The following CXXC5 variants were observed in gnomAD, a reference collection of about 807,000 sequenced individuals.
The protein encoded by CXXC5 is CXXC-type zinc finger protein 5.
CXXC5 carries 2 observed loss-of-function variants against 17.6 expected under a neutral mutation model. That is an observed-to-expected ratio of 0.11 (90% CI 0.05 to 0.36). The LOEUF is 0.36. Ranked by LOEUF, CXXC5 falls within the 10% of genes least tolerant of loss-of-function variation. The pLI is 1.00. For synonymous variants in CXXC5, 171 were observed against 193.0 expected, an observed-to-expected ratio of 0.89 and a Z score of 0.94; for missense variants, 343 against 458.3, an observed-to-expected ratio of 0.75 and a Z score of 2.30.
chr5:139,677,111 C>T (rs982299817), intron 1 of CXXC5, among the ~76,000 whole-genome samples: 4 of 152,084 alleles, frequency 2.6e-5, no homozygotes, highest in African/African-American at 9.7e-5. Flanking sequence ...GCGCTGGCTC[C>T]GCATTGCTGA....
At position 139,680,578 on chromosome 5, in the gene CXXC5, A is replaced by G. The variant is rs1334438328; in HGVS notation, c.55A>G (p.Thr19Ala). 1.3e-6 allele frequency: 2 copies of G among 1,599,898 alleles called. No homozygotes were observed. Among genetic ancestry groups the G allele is most frequent in the Non-Finnish European group, 1.7e-6 (2 of 1,174,242 alleles). Reference sequence around the variant, plus strand: ...TGCCGGCGGCAGTAGCAGCAGCAGCACCAATGGCAGCGGTGGCAGTGGCAG... The same window carrying G: ...TGCCGGCGGCAGTAGCAGCAGCAGCGCCAATGGCAGCGGTGGCAGTGGCAG... ...QDAGGSSSSS[T>A]NGSGGSGSSG... The change falls in exon 2 of 3, where the codon ACC (threonine) becomes GCC (alanine). Residue 19 changes from threonine to alanine, a missense_variant. By Grantham distance (58) the Thr-to-Ala change is moderately conservative. Coordinates refer to ENST00000302517, the MANE Select transcript of CXXC5 (RefSeq NM_016463.9).
At chr5:139,677,313 C>T (rs982358521) in intron 1 of CXXC5, among the ~76,000 whole-genome samples, 2 of 152,104 alleles carry the variant, frequency 1.3e-5, no homozygotes, top group Non-Finnish European at 1.5e-5. Flanking sequence ...CTGCCAGGCC[C>T]TTCCTGGCCT....
In CXXC5 at chr5:139,668,578, G is replaced by A. The variant is rs993255867; in HGVS notation, c.-160-11786G>A. Reference sequence around the variant, plus strand: ...CAGAGCTGGCCGCGTTTCTCGGGGCGGGAGCCAGCTCTGCTCGCCTGGCTT... The same window carrying A: ...CAGAGCTGGCCGCGTTTCTCGGGGCAGGAGCCAGCTCTGCTCGCCTGGCTT... On this transcript the variant is annotated intron_variant, in intron 1 of 2. Transcript: ENST00000302517. The surrounding 1 kb of genome is among the most constrained non-coding windows in gnomAD (Gnocchi z 4.1). 6.6e-6 allele frequency among the ~76,000 whole-genome samples: 1 copy of A among 152,200 alleles called. No homozygotes were observed. Among genetic ancestry groups the A allele is most frequent in the South Asian group, 2.1e-4 (1 of 4,832 alleles).
rs1304332369 is a variant in CXXC5 at position 139,668,911 on chromosome 5, A to AT, written c.-160-11449dup. Among the ~76,000 whole-genome samples, 1 of 151,716 alleles carries AT rather than the reference A, an allele frequency of 6.6e-6. No homozygotes were observed. The highest frequency in any genetic ancestry group is 2.4e-5 in the African/African-American group (1 of 41,262). On this transcript the variant is annotated intron_variant, in intron 1 of 2. Transcript: ENST00000302517. The surrounding 1 kb of genome is among the most constrained non-coding windows in gnomAD (Gnocchi z 4.1). ...GTTTGTAAACCATCAGCACCAGCCC[A>AT]TTTTCTCCTGAATTTGGGATTTAGG...
rs749199661 is a variant in CXXC5 at position 139,682,944 on chromosome 5, GTCAC to G, written c.*39_*42del. ...CCCAAAGCTGCCCTCTCCGTGCAAT[GTCAC>G]TGCTCGTGTGGTCTCCAGCAAGGGA... is the stretch of plus-strand genomic sequence containing the variant. On this transcript the variant is annotated 3_prime_UTR_variant, in exon 3 of 3. Coordinates refer to ENST00000302517, the MANE Select transcript of CXXC5 (RefSeq NM_016463.9). 5.6e-5 allele frequency: 87 copies of G among 1,556,256 alleles called. No individual in the cohort carries two copies. In the African/African-American group the frequency reaches 9.9e-4, roughly 18 times the overall value.
At chr5:139,680,228 A>G in intron 1 of CXXC5, 136 bp from the exon 2 acceptor site, 1 of 470,402 alleles carries the variant, frequency 2.1e-6, no homozygotes, top group Non-Finnish European at 3.8e-6. Context: ...TCTCACCAGG[A>G]TGGATCTGGT....
At position 139,663,219 on chromosome 5, in the gene CXXC5, A is replaced by T. The variant is rs1314488220; in HGVS notation, c.-161+14374A>T. ...GAGGCTTCCTAATATCAGAGGGAGC[A>T]GAGAGAGCCGACTGTAGTTTCAAGG... On this transcript the variant is annotated intron_variant, in intron 1 of 2. Transcript: ENST00000302517. The surrounding 1 kb of genome is among the most constrained non-coding windows in gnomAD (Gnocchi z 4.2). 1.3e-5 allele frequency among the ~76,000 whole-genome samples: 2 copies of T among 152,156 alleles called. No homozygotes were observed. The highest frequency in any genetic ancestry group is 2.9e-5 in the Non-Finnish European group (2 of 68,036).
intron 1 of CXXC5, among the ~76,000 whole-genome samples, chr5:139,651,614 A>G (rs1031041178): frequency 1.9e-4 from 29 of 152,128 alleles, no homozygotes; most frequent in Admixed American, 3.3e-4. Context: ...GGGGAATGAA[A>G]TACCCTGCCT....
At chr5:139,672,306 C>T (rs568010820) in intron 1 of CXXC5, among the ~76,000 whole-genome samples, 1 of 152,272 alleles carries the variant, frequency 6.6e-6, no homozygotes, top group East Asian at 1.9e-4. Flanking sequence ...TTAGTAAAGA[C>T]AGGGTTTCTC....
rs755954309 is a variant in CXXC5, at chr5:139,680,991, C to T, written c.468C>T (p.Ala156=). 1.0e-5 allele frequency: 16 copies of T among 1,603,550 alleles called. No individual in the cohort carries two copies. Among genetic ancestry groups the T allele is most frequent in the South Asian group, 6.6e-5 (6 of 91,086 alleles). ...CAGAGCGGGCCACGGAGCTGGCAGC[C>T]GAGGGACAGCTGACGCTGCAGCAGT... The part of the protein sequence containing the change: ...SKAERATELA[A]EGQLTLQQFA... Residue 156 remains alanine (A), a synonymous_variant, in exon 2 of 3, where the codon GCC becomes GCT. Coordinates refer to ENST00000302517, the MANE Select transcript of CXXC5 (RefSeq NM_016463.9).
intron 1 of CXXC5, among the ~76,000 whole-genome samples, chr5:139,671,167 C>G (rs1170744608): frequency 6.6e-6 from 1 of 152,214 alleles, no homozygotes; most frequent in African/African-American, 2.4e-5. Context: ...CACTTTAGGC[C>G]CAAGAGCGCC....
rs116949187 is a variant in CXXC5 at position 139,660,633 on chromosome 5, G to A, written c.-161+11788G>A. 3.9e-4 allele frequency among the ~76,000 whole-genome samples: 60 copies of A among 151,992 alleles called. 1 individual carries two copies. The East Asian group carries it at 0.011, about 29-fold the overall frequency. ...CGTAGCTTGAGAGCCCAGAGAGGGGGATACGCTGCCCCAAGGTCACACAGT... is the reference window on the plus strand; with the variant it reads ...CGTAGCTTGAGAGCCCAGAGAGGGGAATACGCTGCCCCAAGGTCACACAGT... On this transcript the variant is annotated intron_variant, in intron 1 of 2. Coordinates refer to ENST00000302517, the MANE Select transcript of CXXC5 (RefSeq NM_016463.9).
At chr5:139,682,766 TC>T in intron 2 of CXXC5, 96 bp from the exon 3 acceptor site, 2 of 1,269,736 alleles carry the variant, frequency 1.6e-6, no homozygotes, top group Non-Finnish European at 2.1e-6. Context: ...TGCCTGTCCC[TC>T]CGCCATGAGG....
Position 139,652,165 on chromosome 5 carries a change from C to CGT in CXXC5, c.-161+3321_-161+3322insTG, listed in dbSNP as rs1478607245. ...AGCCGCCGGCGCGCGCGCGCGCGCG[C>CGT]GCGCGCGTGTGTGTGTGTGTGTGTG... On this transcript the variant is annotated intron_variant, in intron 1 of 2. Coordinates refer to ENST00000302517, the MANE Select transcript of CXXC5 (RefSeq NM_016463.9). 8.0e-3 allele frequency among the ~76,000 whole-genome samples: 1,112 copies of CGT among 139,574 alleles called. 12 individuals are homozygous for CGT. The highest frequency in any genetic ancestry group is 0.023 in the African/African-American group (826 of 35,842). 91.6% of individuals were successfully genotyped at this position (139,574 alleles called of 152,430 possible).
rs1012920672 is a variant in CXXC5, at chr5:139,668,595, G to A, written c.-160-11769G>A. On this transcript the variant is annotated intron_variant, in intron 1 of 2. Transcript: ENST00000302517. The surrounding 1 kb of genome is among the most constrained non-coding windows in gnomAD (Gnocchi z 4.1). ...CTCGGGGCGGGAGCCAGCTCTGCTC[G>A]CCTGGCTTAACCCAGACGAGCCCAG... Among the ~76,000 whole-genome samples, 2 of 152,186 alleles carry A rather than the reference G, an allele frequency of 1.3e-5. No individual in the cohort carries two copies. The highest frequency in any genetic ancestry group is 2.9e-5 in the Non-Finnish European group (2 of 68,020).
rs1358015011 is a variant in CXXC5, at chr5:139,661,176, G to C, written c.-161+12331G>C. 6.6e-6 allele frequency among the ~76,000 whole-genome samples: 1 copy of C among 152,114 alleles called. No homozygotes were observed. Among genetic ancestry groups the C allele is most frequent in the African/African-American group, 2.4e-5 (1 of 41,410 alleles). On this transcript the variant is annotated intron_variant, in intron 1 of 2. Transcript: ENST00000302517. This position sits in a 1 kb window ranked among gnomAD's most constrained non-coding sequence, Gnocchi z 4.7. Reference sequence around the variant, plus strand: ...CAGCCTCCCCGCCGCGGCTGCCCGCGCCGCCCCCCCACCTCTTGCGCTGTC... The same window carrying C: ...CAGCCTCCCCGCCGCGGCTGCCCGCCCCGCCCCCCCACCTCTTGCGCTGTC...
At chr5:139,676,803 A>T (rs1319525295) in intron 1 of CXXC5, among the ~76,000 whole-genome samples, 3 of 151,434 alleles carry the variant, frequency 2.0e-5, no homozygotes, top group Non-Finnish European at 2.9e-5. Context: ...CTGTTACCCC[A>T]GACACTGCTT....
chr5:139,662,705 C>G (rs1288901634), intron 1 of CXXC5, among the ~76,000 whole-genome samples: 1 of 152,220 alleles, frequency 6.6e-6, no homozygotes, highest in Non-Finnish European at 1.5e-5. Flanking sequence ...CTGAGGGACA[C>G]AAACAGCAGT....
rs1755830440 is a variant in CXXC5, at chr5:139,661,776, A to C, written c.-161+12931A>C. Among the ~76,000 whole-genome samples the C allele has an allele frequency of 6.6e-6, 1 of 152,264 alleles. No homozygotes were observed. Reference sequence around the variant, plus strand: ...CTTACACGGAAGAGGCCCGGCCTTCAGCCATGTTGTGTCCACCGGGTTCTG... The same window carrying C: ...CTTACACGGAAGAGGCCCGGCCTTCCGCCATGTTGTGTCCACCGGGTTCTG... On this transcript the variant is annotated intron_variant, in intron 1 of 2. Transcript: ENST00000302517. The surrounding 1 kb of genome is among the most constrained non-coding windows in gnomAD (Gnocchi z 4.7).
Sources: allele counts gnomAD v4.1 joint callset (sites outside exome capture counted in the v4.1 genomes callset), GRCh38; gene constraint gnomAD v4.1.1; non-coding constraint Gnocchi (gnomAD v3.1); transcripts MANE v1.5; gene names NCBI Gene and HGNC (gene_info 2026-07-23, HGNC 2026-07-21).